The following LGSN variants were observed in gnomAD, a reference collection of about 807,000 sequenced individuals.
The protein encoded by LGSN is lengsin.
LGSN carries 21 observed loss-of-function variants against 19.5 expected under a neutral mutation model. The observed-to-expected ratio is 1.07, with a 90% CI of 0.76 to 1.55. The LOEUF is 1.55. Among genes scored for constraint, LGSN ranks in the 40% most tolerant of loss-of-function variants. LGSN has a pLI of 0.00. For synonymous variants in LGSN, 257 were observed against 215.6 expected (o/e 1.19, Z -1.68); for missense variants, 673 against 608.5 (o/e 1.11, Z -1.12).
At chr6:63,477,257 G>T in the LGSN span, among the ~76,000 whole-genome samples, 1 of 152,162 alleles carries the variant, frequency 6.6e-6, no homozygotes, top group African/African-American at 2.4e-5. Flanking sequence ...TTTGTTACAT[G>T]CTGTTCTAGA....
the LGSN span, among the ~76,000 whole-genome samples, chr6:63,426,409 C>T: frequency 6.6e-6 from 1 of 152,214 alleles, no homozygotes; most frequent in Non-Finnish European, 1.5e-5. Context: ...CCGCCCTCTA[C>T]CAACTTCATA....
the LGSN span, among the ~76,000 whole-genome samples, chr6:63,474,205 G>A: frequency 6.6e-6 from 1 of 152,172 alleles, no homozygotes; most frequent in African/African-American, 2.4e-5. Context: ...ACCACTTTCT[G>A]TTTTTCTCTA....
the LGSN span, among the ~76,000 whole-genome samples, chr6:63,428,024 CTG>C: frequency 6.6e-6 from 1 of 152,058 alleles, no homozygotes. Flanking sequence ...TTAAATTACG[CTG>C]TTTTTATCAC....
At chr6:63,538,488 A>G in the LGSN span, among the ~76,000 whole-genome samples, 1 of 152,242 alleles carries the variant, frequency 6.6e-6, no homozygotes, top group Non-Finnish European at 1.5e-5. Context: ...TCGAGACACT[A>G]AGTGATAAAG....
the LGSN span, among the ~76,000 whole-genome samples, chr6:63,556,980 C>G: frequency 1.3e-5 from 2 of 152,166 alleles, no homozygotes; most frequent in Admixed American, 6.5e-5. Context: ...CAAACACTAG[C>G]GCAGTCATCC....
the LGSN span, among the ~76,000 whole-genome samples, chr6:63,379,586 G>A: frequency 6.6e-6 from 1 of 152,258 alleles, no homozygotes; most frequent in East Asian, 1.9e-4. Flanking sequence ...TATGATGTGT[G>A]TGTATCAAGC....
At chr6:63,457,380 C>T in the LGSN span, among the ~76,000 whole-genome samples, 1 of 152,102 alleles carries the variant, frequency 6.6e-6, no homozygotes, top group East Asian at 1.9e-4. Context: ...TGGCACATGC[C>T]TGTAGTCCCA....
In LGSN at chr6:63,280,768, G is replaced by A; in HGVS notation, c.783C>T (p.Thr261=). The A allele has an allele frequency of 6.2e-7, 1 of 1,614,094 alleles. No homozygotes were observed. Among genetic ancestry groups the A allele is most frequent in the Non-Finnish European group, 8.5e-7 (1 of 1,180,028 alleles). ...GANVESFSSS[T]RPGQMEISFL... is the part of the protein sequence containing the mutation. The stretch of plus-strand genomic sequence containing the variant: ...AAGAGATTTCCATCTGACCAGGCCT[G>A]GTAGAGGAGGAAAAACTCTCGACAT... Residue 261 remains threonine (T), a synonymous_variant, in exon 4 of 4, where the codon ACC becomes ACT. Transcript: ENST00000370657.
chr6:63,364,405 G>A, the LGSN span, among the ~76,000 whole-genome samples: 19,890 of 151,960 alleles, frequency 0.13, 2,879 homozygotes, highest in African/African-American at 0.36. Context: ...ATATATATGC[G>A]CCCAATACAG....
At chr6:63,382,266 T>C in the LGSN span, among the ~76,000 whole-genome samples, 1 of 152,210 alleles carries the variant, frequency 6.6e-6, no homozygotes, top group Non-Finnish European at 1.5e-5. Flanking sequence ...AGTAATAATA[T>C]TTATTTTAAC....
the LGSN span, among the ~76,000 whole-genome samples, chr6:63,506,830 G>A: frequency 1.3e-5 from 2 of 152,124 alleles, no homozygotes; most frequent in Non-Finnish European, 2.9e-5. Flanking sequence ...TTTGGTTAGG[G>A]AGTCTGGTTT....
chr6:63,295,266 TG>T (rs1172254230), intron 1 of LGSN, among the ~76,000 whole-genome samples: 1 of 152,206 alleles, frequency 6.6e-6, no homozygotes, highest in Non-Finnish European at 1.5e-5. Flanking sequence ...CTTTTATATG[TG>T]ATACAGAAAA....
At chr6:63,357,372 G>A in the LGSN span, among the ~76,000 whole-genome samples, 4 of 152,188 alleles carry the variant, frequency 2.6e-5, no homozygotes, top group South Asian at 8.3e-4. Context: ...TGGGTCAAAT[G>A]GTATTTCTAG....
At chr6:63,375,397 ATATATT>A in the LGSN span, among the ~76,000 whole-genome samples, 22 of 151,068 alleles carry the variant, frequency 1.5e-4, no homozygotes, top group African/African-American at 4.8e-4. Flanking sequence ...TATTATTACT[ATATATT>A]TATATTTATA....
At chr6:63,496,065 G>A in the LGSN span, among the ~76,000 whole-genome samples, 2 of 151,942 alleles carry the variant, frequency 1.3e-5, no homozygotes, top group Admixed American at 1.3e-4. Flanking sequence ...TAGCTGAGAT[G>A]ACAGGTGACT....
At chr6:63,486,888 T>G in the LGSN span, among the ~76,000 whole-genome samples, 1 of 151,404 alleles carries the variant, frequency 6.6e-6, no homozygotes, top group Admixed American at 6.6e-5. Context: ...CAGGCTGGAG[T>G]GCAGTGGTGC....
chr6:63,298,372 A>G (rs1768059533), intron 1 of LGSN, among the ~76,000 whole-genome samples: 1 of 152,228 alleles, frequency 6.6e-6, no homozygotes, highest in Non-Finnish European at 1.5e-5. Flanking sequence ...GTTAGACTCA[A>G]TAACTAATTG....
At chr6:63,310,247 C>T (rs1360267032) in intron 1 of LGSN, among the ~76,000 whole-genome samples, 2 of 152,126 alleles carry the variant, frequency 1.3e-5, no homozygotes, top group Non-Finnish European at 2.9e-5. Flanking sequence ...TTGATGTAGC[C>T]ATCCATTACA....
the LGSN span, among the ~76,000 whole-genome samples, chr6:63,412,552 A>AAGAAAGAAAGAAAGAAAG: frequency 1.4e-5 from 2 of 140,152 alleles, no homozygotes; most frequent in African/African-American, 5.9e-5. Context: ...GAAAGAAAGA[A>AAGAAAGAAAGAAAGAAAG]AGAAAGAAAG....
Sources: gnomAD v4.1 joint callset for allele counts (sites outside exome capture counted in the v4.1 genomes callset) on GRCh38, gnomAD v4.1.1 for gene constraint, MANE v1.5 for transcripts, NCBI Gene and HGNC (gene_info 2026-07-23, HGNC 2026-07-21) for gene names.